LAMA4: variants seen among roughly 807,000 people sequenced by gnomAD.
LAMA4 encodes laminin subunit alpha-4.
In LAMA4, 127 loss-of-function variants were observed where a neutral mutation model predicts 207.1. The observed-to-expected ratio is 0.61, with a 90% CI of 0.53 to 0.71. The LOEUF is 0.71. Among genes scored for constraint, LAMA4 ranks in the 30% least tolerant of loss-of-function variants. The pLI, the probability that LAMA4 is intolerant of heterozygous loss-of-function variation, is 0.00. For missense variants in LAMA4, 2,093 were observed against 2,246.5 expected (o/e 0.93, Z 1.38); for synonymous variants, 761 against 816.0 (o/e 0.93, Z 1.15).
intron 22 of LAMA4, among the ~76,000 whole-genome samples, chr6:112,140,418 A>T (rs1554332828): frequency 6.6e-6 from 1 of 152,162 alleles, no homozygotes; most frequent in Non-Finnish European, 1.5e-5. Flanking sequence ...TGAAACCACC[A>T]CTGCAAAGCT....
rs1778929576 is a variant in LAMA4 at position 112,129,960 on chromosome 6, T to G, written c.4049A>C (p.Glu1350Ala). The G allele has an allele frequency of 6.2e-7, 1 of 1,613,476 alleles. No individual in the cohort carries two copies. Among genetic ancestry groups the G allele is most frequent in the East Asian group, 2.2e-5 (1 of 44,860 alleles). ...TGAGCCACCGAAGTAAAACTTCTTT[T>G]CACTTGCTTGTGTCTGTTCTATTTT... ...KGKIEQTQAS[E>A]KKFYFGGSPI... Residue 1350 changes from glutamate to alanine, a missense_variant, in exon 30 of 39, where the codon GAA (glutamate) becomes GCA (alanine). Physicochemically the swap from Glu to Ala is moderately radical, Grantham distance 107. Transcript: ENST00000230538.
intron 36 of LAMA4, 96 bp from the exon 37 acceptor site, chr6:112,114,852 A>G: frequency 3.5e-6 from 3 of 851,766 alleles, no homozygotes; most frequent in East Asian, 2.6e-5. Flanking sequence ...CAATACTTCA[A>G]CAAATATTCA....
intron 2 of LAMA4, among the ~76,000 whole-genome samples, chr6:112,246,885 C>T (rs576616376): frequency 6.6e-6 from 1 of 152,274 alleles, no homozygotes; most frequent in South Asian, 2.1e-4. Flanking sequence ...TGCTCAGATC[C>T]TCCTATTGCT....
chr6:112,198,900 A>G (rs3948760), intron 5 of LAMA4, among the ~76,000 whole-genome samples: 58,590 of 151,954 alleles, frequency 0.39, 11,584 homozygotes, highest in African/African-American at 0.43. Context: ...GAGACAGGTA[A>G]CTTTATTTTC....
Position 112,118,669 on chromosome 6 carries a change from C to T in LAMA4, c.4821+487G>A, listed in dbSNP as rs1376259160. ...TTTTCTACTATATTCTCACTTCTCC[C>T]CAGGGCAACCACATTTCCTTATACA... On this transcript the variant is annotated intron_variant, in intron 34 of 38. Coordinates refer to ENST00000230538, the MANE Select transcript of LAMA4 (RefSeq NM_001105206.3). This position sits in a 1 kb window ranked among gnomAD's most constrained non-coding sequence, Gnocchi z 4.6. 6.6e-6 allele frequency among the ~76,000 whole-genome samples: 1 copy of T among 151,610 alleles called. No homozygotes were observed. Among genetic ancestry groups the T allele is most frequent in the Admixed American group, 6.6e-5 (1 of 15,208 alleles).
chr6:112,136,380 A>C, intron 24 of LAMA4, 126 bp from the exon 25 acceptor site: 1 of 786,456 alleles, frequency 1.3e-6, no homozygotes, highest in Non-Finnish European at 2.1e-6. Flanking sequence ...AGAAAGTCTC[A>C]TGAAATTCTT....
At chr6:112,201,061 G>T (rs1783719589) in intron 5 of LAMA4, among the ~76,000 whole-genome samples, 1 of 151,736 alleles carries the variant, frequency 6.6e-6, no homozygotes, top group African/African-American at 2.4e-5. Context: ...AAAGAAAAGA[G>T]TGTCATATGT....
intron 31 of LAMA4, among the ~76,000 whole-genome samples, chr6:112,128,196 T>A (rs1778811544): frequency 6.6e-6 from 1 of 152,164 alleles, no homozygotes; most frequent in Non-Finnish European, 1.5e-5. Flanking sequence ...ACAGGGACAT[T>A]TCAACCATTG....
chr6:112,224,677 G>A (rs941740120), intron 2 of LAMA4, among the ~76,000 whole-genome samples: 1 of 152,020 alleles, frequency 6.6e-6, no homozygotes, highest in African/African-American at 2.4e-5. Flanking sequence ...TTAGCCAGTG[G>A]TAGAGGTGTT....
intron 11 of LAMA4, among the ~76,000 whole-genome samples, chr6:112,174,937 G>T (rs1328932171): frequency 1.3e-5 from 2 of 152,206 alleles, no homozygotes; most frequent in African/African-American, 4.8e-5. Flanking sequence ...GTCATTCATG[G>T]TCTTCACAAC....
chr6:112,140,486 G>C (rs1417425073), intron 22 of LAMA4, among the ~76,000 whole-genome samples: 2 of 152,162 alleles, frequency 1.3e-5, no homozygotes, highest in African/African-American at 4.8e-5. Flanking sequence ...TGTGGCAGGT[G>C]GGGGTAATAT....
intron 5 of LAMA4, 97 bp downstream of exon 5, chr6:112,201,511 A>T (rs1783743792): frequency 9.9e-7 from 1 of 1,011,742 alleles, no homozygotes; most frequent in Non-Finnish European, 1.6e-6. Context: ...CATCTCCTTC[A>T]GGACCCACTG....
At chr6:112,216,292 C>T (rs1784620805) in intron 3 of LAMA4, 76 bp downstream of exon 3, 8 of 1,033,550 alleles carry the variant, frequency 7.7e-6, no homozygotes, top group East Asian at 7.2e-5. Flanking sequence ...CTCAAACATC[C>T]GAAAAATATT....
chr6:112,191,050 C>T (rs770120894), intron 6 of LAMA4, among the ~76,000 whole-genome samples: 3 of 151,190 alleles, frequency 2.0e-5, no homozygotes, highest in African/African-American at 7.3e-5. Context: ...GGCTGGAGTG[C>T]GGTGGCACAA....
At position 112,132,823 on chromosome 6, in the gene LAMA4, T is replaced by C. The variant is rs782159944; in HGVS notation, c.3764A>G (p.Asp1255Gly). The C allele has an allele frequency of 6.2e-7, 1 of 1,612,418 alleles. No individual in the cohort carries two copies. The highest frequency in any genetic ancestry group is 8.5e-7 in the Non-Finnish European group (1 of 1,178,624). The change falls in exon 28 of 39, where the codon GAT becomes GGT. Residue 1255 changes from aspartate (D) to glycine (G), a missense_variant. By Grantham distance (94) the Asp-to-Gly change is moderately conservative. This residue lies in a region of LAMA4 where 1,704 missense variants were observed against 1,788.4 expected (regional missense o/e 0.95). Coordinates refer to ENST00000230538, the MANE Select transcript of LAMA4 (RefSeq NM_001105206.3). ...IASIQKISFF[D>G]GFEGGFNFRT... ...GAAATTAAAACCTCCTTCAAAGCCA[T>C]CAAAGAAAGATATTTTCTGAATTGA...
rs782484672 is a variant in LAMA4, at chr6:112,142,161, G to A, written c.2625C>T (p.Thr875=). The change falls in exon 20 of 39, where the codon ACC becomes ACT. Residue 875 remains threonine, a synonymous_variant. Coordinates refer to ENST00000230538, the MANE Select transcript of LAMA4 (RefSeq NM_001105206.3). ...MKPPVKRPEL[T]ETADQFILYL... ...ACAGGATAAACTGATCTGCAGTCTC[G>A]GTCAGTTCCGGCCGCTTCACAGGGG... The A allele has an allele frequency of 1.7e-5, 27 of 1,613,872 alleles. No homozygotes were observed. Among genetic ancestry groups the A allele is most frequent in the Middle Eastern group, 1.6e-4 (1 of 6,084 alleles).
At chr6:112,197,883 G>C (rs372034254) in intron 5 of LAMA4, among the ~76,000 whole-genome samples, 15 of 152,300 alleles carry the variant, frequency 9.8e-5, no homozygotes, top group African/African-American at 2.6e-4. Flanking sequence ...AGCACTGAGG[G>C]AGATCTTCTC....
At chr6:112,219,153 A>C (rs1554359691) in intron 2 of LAMA4, 1 of 152,206 alleles carries the variant, frequency 6.6e-6, no homozygotes, top group Non-Finnish European at 1.5e-5. Context: ...GAAATTTCGA[A>C]GGACCTGGCA....
intron 2 of LAMA4, among the ~76,000 whole-genome samples, chr6:112,231,464 T>G (rs1431605705): frequency 6.6e-6 from 1 of 152,230 alleles, no homozygotes; most frequent in Admixed American, 6.5e-5. Context: ...AATTTATAAC[T>G]GATGTTTTAG....
Sources: gnomAD v4.1 joint callset for allele counts (sites outside exome capture counted in the v4.1 genomes callset) on GRCh38, gnomAD v4.1.1 for gene constraint, gnomAD v4.1.1 regional missense constraint, Gnocchi (gnomAD v3.1) non-coding constraint, MANE v1.5 for transcripts, NCBI Gene and HGNC (gene_info 2026-07-23, HGNC 2026-07-21) for gene names.